The following SPECC1L variants were observed in gnomAD, a reference collection of about 807,000 sequenced individuals.
SPECC1L encodes sperm antigen with calponin homology and coiled-coil domains 1 like.
A neutral mutation model predicts 116.8 loss-of-function variants in SPECC1L; 40 were observed. The ratio of observed to expected loss-of-function variants is 0.34; its 90% confidence interval spans 0.27 to 0.45. The LOEUF is 0.45. Ranked by LOEUF, SPECC1L falls within the 20% of genes least tolerant of loss-of-function variation. The probability of loss-of-function intolerance (pLI) is 1.00; values close to 1 mark genes in which losing one functional copy is unlikely to be tolerated. For synonymous variants in SPECC1L, 504 were observed against 500.6 expected, an observed-to-expected ratio of 1.01 and a Z score of -0.09; for missense variants, 1,110 against 1,373.6, an observed-to-expected ratio of 0.81 and a Z score of 3.03.
In SPECC1L at chr22:24,380,480, G is replaced by A. The variant is rs1197878958; in HGVS notation, c.3087+11160G>A. Among the ~76,000 whole-genome samples the A allele has an allele frequency of 2.0e-5, 3 of 152,296 alleles. No homozygotes were observed. In the East Asian group the frequency reaches 5.8e-4, roughly 29 times the overall value. ...TGGAACGTGCGTGCTTTATGAAGAAGCCGTCTAATCAACGGAGATAGATTC... is the reference window on the plus strand; with the variant it reads ...TGGAACGTGCGTGCTTTATGAAGAAACCGTCTAATCAACGGAGATAGATTC... On this transcript the variant is annotated intron_variant, in intron 14 of 16. Coordinates refer to ENST00000314328, the MANE Select transcript of SPECC1L (RefSeq NM_015330.6).
intron 8 of SPECC1L, among the ~76,000 whole-genome samples, chr22:24,333,206 A>G (rs1052892392): frequency 6.6e-6 from 1 of 152,206 alleles, no homozygotes; most frequent in East Asian, 1.9e-4. Flanking sequence ...CAGCCTGGAC[A>G]ACAAGAGCGA....
chr22:24,273,382 T>C lies in SPECC1L; in HGVS notation c.-142+2399T>C, dbSNP rs1371807977. ...TTTTATACAATTCAATTTATTCAAT[T>C]GAAGGACTATCTTTTCTTTAAAAAA... On this transcript the variant is annotated intron_variant, in intron 1 of 16. Coordinates refer to ENST00000314328, the MANE Select transcript of SPECC1L (RefSeq NM_015330.6). 5.9e-5 allele frequency among the ~76,000 whole-genome samples: 9 copies of C among 152,318 alleles called. No homozygotes were observed. The East Asian group carries it at 9.6e-4, about 16-fold the overall frequency.
chr22:24,406,413 C>G (rs908675743), intron 14 of SPECC1L, among the ~76,000 whole-genome samples: 1 of 152,218 alleles, frequency 6.6e-6, no homozygotes, highest in Non-Finnish European at 1.5e-5. Flanking sequence ...CAGTACCTCA[C>G]TGTCATTCTC....
intron 11 of SPECC1L, among the ~76,000 whole-genome samples, chr22:24,359,353 C>G (rs765856449): frequency 6.6e-6 from 1 of 152,202 alleles, no homozygotes; most frequent in Non-Finnish European, 1.5e-5. Flanking sequence ...GACTTTTCTT[C>G]TGCACTCTCT....
At chr22:24,322,969 T>C in intron 5 of SPECC1L, 51 bp downstream of exon 5, 2 of 1,607,594 alleles carry the variant, frequency 1.2e-6, no homozygotes, top group East Asian at 2.2e-5. Flanking sequence ...GCAGCTGCCA[T>C]GCACAGTGTT....
intron 4 of SPECC1L, among the ~76,000 whole-genome samples, chr22:24,317,294 G>A (rs1228761169): frequency 4.9e-5 from 6 of 122,126 alleles, no homozygotes; most frequent in African/African-American, 1.5e-4. Context: ...CGGACGGGGC[G>A]GCTGGCCAGG....
At chr22:24,391,089 A>G (rs933272590) in intron 14 of SPECC1L, among the ~76,000 whole-genome samples, 11 of 151,360 alleles carry the variant, frequency 7.3e-5, no homozygotes. Flanking sequence ...GTTAGCAAGG[A>G]TGGTCTCAAT....
chr22:24,336,688 C>G (rs1484366076), intron 9 of SPECC1L, among the ~76,000 whole-genome samples: 2 of 152,046 alleles, frequency 1.3e-5, no homozygotes, highest in Non-Finnish European at 2.9e-5. Context: ...TGCTTTAATG[C>G]ACAAAACTGC....
intron 2 of SPECC1L, among the ~76,000 whole-genome samples, chr22:24,283,271 G>A (rs1349158466): frequency 1.3e-5 from 2 of 150,800 alleles, no homozygotes; most frequent in Admixed American, 6.6e-5. Context: ...GTAGATATGG[G>A]GTTTCACCGT....
chr22:24,302,860 A>G (rs563167547), intron 3 of SPECC1L, among the ~76,000 whole-genome samples: 21 of 152,296 alleles, frequency 1.4e-4, no homozygotes, highest in African/African-American at 4.6e-4. Flanking sequence ...ACCCCTAGAC[A>G]GGTGTTTTTA....
chr22:24,342,539 G>T (rs2041197886), intron 10 of SPECC1L, among the ~76,000 whole-genome samples: 1 of 152,126 alleles, frequency 6.6e-6, no homozygotes, highest in Non-Finnish European at 1.5e-5. Context: ...CAGGCACGGT[G>T]GTGTGTGCCT....
intron 14 of SPECC1L, 28 bp from the exon 15 acceptor site, chr22:24,411,560 G>A (rs201679992): frequency 1.0e-4 from 167 of 1,597,352 alleles, no homozygotes; most frequent in Non-Finnish European, 1.4e-4. Context: ...GCATGTGTTG[G>A]TTACATGTTT....
intron 1 of SPECC1L, among the ~76,000 whole-genome samples, chr22:24,272,659 T>A (rs1337000388): frequency 8.2e-5 from 12 of 146,980 alleles, no homozygotes; most frequent in South Asian, 2.3e-4. Context: ...AGAGTGAGAC[T>A]CTGTCTCAAA....
At chr22:24,280,994 G>A (rs1278309525) in intron 2 of SPECC1L, among the ~76,000 whole-genome samples, 4 of 152,100 alleles carry the variant, frequency 2.6e-5, no homozygotes, top group Non-Finnish European at 5.9e-5. Context: ...CCCGGATTGT[G>A]GTTTGTTTAC....
intron 2 of SPECC1L, among the ~76,000 whole-genome samples, chr22:24,277,793 G>A (rs2048865811): frequency 6.6e-6 from 1 of 152,118 alleles, no homozygotes; most frequent in Non-Finnish European, 1.5e-5. Context: ...GAACATTTGC[G>A]TTTTTGCCAC....
chr22:24,389,517 G>A (rs368892587), intron 14 of SPECC1L, among the ~76,000 whole-genome samples: 123 of 150,360 alleles, frequency 8.2e-4, no homozygotes, highest in Middle Eastern at 6.9e-3. Flanking sequence ...GGGGCTTTCG[G>A]GTTTTTTTTT....
At position 24,306,515 on chromosome 22, in the gene SPECC1L, G is replaced by C. The variant is rs1366391189; in HGVS notation, c.153+4131G>C. Among the ~76,000 whole-genome samples the C allele has an allele frequency of 4.6e-5, 7 of 152,026 alleles. No homozygotes were observed. The East Asian group carries it at 1.4e-3, about 29-fold the overall frequency. The stretch of plus-strand genomic sequence containing the variant: ...CAGGCTTCAGCCTCCTGAGTAGCTG[G>C]AATTACAGATGTGTGTCACATACCC... On this transcript the variant is annotated intron_variant, in intron 3 of 16. Coordinates refer to ENST00000314328, the MANE Select transcript of SPECC1L (RefSeq NM_015330.6).
At chr22:24,348,063 T>C (rs1481366203) in intron 11 of SPECC1L, among the ~76,000 whole-genome samples, 5 of 152,296 alleles carry the variant, frequency 3.3e-5, no homozygotes, top group East Asian at 1.9e-4. Context: ...TACCCCACGC[T>C]GCCTCTTCAT....
chr22:24,338,504 C>T, intron 10 of SPECC1L, 27 bp downstream of exon 10: 1 of 1,604,274 alleles, frequency 6.2e-7, no homozygotes, highest in East Asian at 2.2e-5. Flanking sequence ...ACAGGAGGCT[C>T]TTAGAGCCTC....
Sources: gnomAD v4.1 joint callset for allele counts (sites outside exome capture counted in the v4.1 genomes callset) on GRCh38, gnomAD v4.1.1 for gene constraint, MANE v1.5 for transcripts, NCBI Gene and HGNC (gene_info 2026-07-23, HGNC 2026-07-21) for gene names.